MTCL1: variants seen among roughly 807,000 people sequenced by gnomAD.
The protein encoded by MTCL1 is microtubule cross-linking factor 1.
MTCL1 carries 79 observed loss-of-function variants against 141.4 expected under a neutral mutation model. The ratio of observed to expected loss-of-function variants is 0.56; its 90% CI spans 0.47 to 0.67. The LOEUF (loss-of-function observed/expected upper bound fraction) is 0.67, where lower values mean the gene tolerates loss of function less well. Ranked by LOEUF, MTCL1 falls within the 30% of genes least tolerant of loss-of-function variation. The probability of loss-of-function intolerance (pLI) is 0.00; values close to 1 mark genes in which losing one functional copy is unlikely to be tolerated. For synonymous variants in MTCL1, 914 were observed against 875.8 expected (o/e 1.04, Z -0.77); for missense variants, 2,177 against 2,113.9 (o/e 1.03, Z -0.59).
intron 4 of MTCL1, among the ~76,000 whole-genome samples, chr18:8,739,045 C>G (rs184412838): frequency 3.3e-5 from 5 of 152,206 alleles, no homozygotes; most frequent in African/African-American, 1.2e-4. Context: ...TCGAGACAAG[C>G]TTGGGCAACA....
At chr18:8,734,444 TCC>T (rs1028342196) in intron 4 of MTCL1, among the ~76,000 whole-genome samples, 20 of 152,170 alleles carry the variant, frequency 1.3e-4, no homozygotes, top group African/African-American at 4.8e-4. Flanking sequence ...TCCGGAGCCA[TCC>T]CCGTGAAGTC....
chr18:8,766,444 C>G (rs2096460274), intron 4 of MTCL1, among the ~76,000 whole-genome samples: 1 of 152,168 alleles, frequency 6.6e-6, no homozygotes, highest in African/African-American at 2.4e-5. Context: ...CCTGGGGCGC[C>G]CCAGTGGGGA....
chr18:8,749,843 A>C (rs1485684280), intron 4 of MTCL1, among the ~76,000 whole-genome samples: 1 of 152,178 alleles, frequency 6.6e-6, no homozygotes, highest in Non-Finnish European at 1.5e-5. Context: ...AGTGTCTGCA[A>C]CTGTAAAACT....
chr18:8,774,573 C>T (rs764153726), intron 4 of MTCL1, among the ~76,000 whole-genome samples: 1 of 152,094 alleles, frequency 6.6e-6, no homozygotes, highest in Non-Finnish European at 1.5e-5. Flanking sequence ...GTGCAACCTC[C>T]ACCTCCCGGG....
rs369979987 is a variant in MTCL1, at chr18:8,753,978, TATTA to T, written c.358-23851_358-23848del. On this transcript the variant is annotated intron_variant, in intron 4 of 16. Transcript: ENST00000359865. ...TGATATACTTCAAATTTAAAATATG[TATTA>T]ATTCTTATTTCAAACTGAAAATTTT... Among the ~76,000 whole-genome samples the T allele has an allele frequency of 3.7e-3, 569 of 152,366 alleles. 4 individuals are homozygous for T. Among genetic ancestry groups the T allele is most frequent in the African/African-American group, 6.5e-3 (269 of 41,590 alleles).
chr18:8,776,377 C>T (rs1283647694), intron 4 of MTCL1, among the ~76,000 whole-genome samples: 1 of 152,230 alleles, frequency 6.6e-6, no homozygotes, highest in Non-Finnish European at 1.5e-5. Context: ...TTTCTGCCTT[C>T]ACACTTTCCC....
intron 11 of MTCL1, among the ~76,000 whole-genome samples, chr18:8,808,858 C>T (rs560951340): frequency 1.3e-5 from 2 of 152,276 alleles, no homozygotes; most frequent in South Asian, 2.1e-4. Flanking sequence ...TTTATAACAG[C>T]GTGGAAAGTG....
chr18:8,747,864 G>A (rs2096348503), intron 4 of MTCL1, among the ~76,000 whole-genome samples: 1 of 152,106 alleles, frequency 6.6e-6, no homozygotes, highest in Non-Finnish European at 1.5e-5. Context: ...TTCCTGAGTG[G>A]CTCCAGATGG....
Position 8,727,187 on chromosome 18 carries a change from TTATC to T in MTCL1, c.357+6694_357+6697del, listed in dbSNP as rs972052850. The stretch of plus-strand genomic sequence containing the variant: ...ATGGTGTATATATACCACACTTTCT[TTATC>T]TAATCGTCTATTGATGGATACTTAG... On this transcript the variant is annotated intron_variant, in intron 4 of 16. Transcript: ENST00000359865. Among the ~76,000 whole-genome samples, 14 of 152,264 alleles carry T rather than the reference TTATC, an allele frequency of 9.2e-5. 1 individual carries two copies. The highest frequency in any genetic ancestry group is 8.5e-4 in the Admixed American group (13 of 15,286).
intron 6 of MTCL1, among the ~76,000 whole-genome samples, 179 bp downstream of exon 5, chr18:8,785,022 T>G (rs3810050): frequency 1.0e-3 from 124 of 123,154 alleles, no homozygotes; most frequent in East Asian, 4.9e-3. Context: ...GTTTTTTTTG[T>G]TTTTTTTTTT....
At chr18:8,754,533 CA>C (rs2096387642) in intron 4 of MTCL1, among the ~76,000 whole-genome samples, 1 of 152,090 alleles carries the variant, frequency 6.6e-6, no homozygotes, top group Admixed American at 6.5e-5. Context: ...AGGAAACAAG[CA>C]AAGTAAATCC....
chr18:8,727,618 T>C (rs185906120), intron 4 of MTCL1, among the ~76,000 whole-genome samples: 20 of 152,346 alleles, frequency 1.3e-4, no homozygotes, highest in Non-Finnish European at 1.9e-4. Context: ...TCATGTCCTT[T>C]GCATGGCCTG....
At chr18:8,715,021 C>T (rs1467312512), upstream of MTCL1, among the ~76,000 whole-genome samples, 2 of 152,166 alleles carry the variant, frequency 1.3e-5, no homozygotes, top group Non-Finnish European at 2.9e-5. Flanking sequence ...TGGTCTTGAT[C>T]TCCTGACCTT....
Position 8,790,088 on chromosome 18 carries a change from T to G in MTCL1, c.1888-2910T>G, listed in dbSNP as rs80328987. Among the ~76,000 whole-genome samples, 56 of 152,284 alleles carry G rather than the reference T, an allele frequency of 3.7e-4. No individual in the cohort carries two copies. The East Asian group carries it at 6.0e-3, about 16-fold the overall frequency. ...AGGCAGCAGTCTCCAGAGACAACAC[T>G]GGAGCCATCGTAGGTGAGTCCGACT... On this transcript the variant is annotated intron_variant, in intron 7 of 16. Coordinates refer to ENST00000359865, the Ensembl canonical transcript of MTCL1.
intron 4 of MTCL1, among the ~76,000 whole-genome samples, chr18:8,766,892 A>G (rs2096462238): frequency 6.6e-6 from 1 of 152,120 alleles, no homozygotes; most frequent in Non-Finnish European, 1.5e-5. Context: ...TTTTAGGGGA[A>G]GCTTGTTCAT....
chr18:8,793,824 G>T (rs2075820475), intron 8 of MTCL1, among the ~76,000 whole-genome samples: 1 of 152,346 alleles, frequency 6.6e-6, no homozygotes, highest in South Asian at 2.1e-4. Context: ...GGTTGATCTT[G>T]AATAGAGCAC....
chr18:8,716,985 C>T (rs1468359335), upstream of MTCL1, among the ~76,000 whole-genome samples: 1 of 152,160 alleles, frequency 6.6e-6, no homozygotes, highest in Non-Finnish European at 1.5e-5. Context: ...GCTTTCATCA[C>T]TGGGCTGCAA....
At chr18:8,776,964 G>A (rs1376248524) in intron 4 of MTCL1, among the ~76,000 whole-genome samples, 1 of 152,086 alleles carries the variant, frequency 6.6e-6, no homozygotes, top group Non-Finnish European at 1.5e-5. Context: ...GCTGGGCGTG[G>A]TGGCTCACGC....
At chr18:8,764,361 A>G (rs534025146) in intron 4 of MTCL1, among the ~76,000 whole-genome samples, 1 of 151,242 alleles carries the variant, frequency 6.6e-6, no homozygotes, top group African/African-American at 2.4e-5. Flanking sequence ...CTTGTTGCCC[A>G]GGCTGAAGTG....
Sources: allele counts gnomAD v4.1 joint callset (sites outside exome capture counted in the v4.1 genomes callset), GRCh38; gene constraint gnomAD v4.1.1; transcripts MANE v1.5; gene names NCBI Gene and HGNC (gene_info 2026-07-23, HGNC 2026-07-21).